TAS2R1: variants seen among roughly 807,000 people sequenced by gnomAD.
The protein encoded by TAS2R1 is taste receptor type 2 member 1.
For synonymous variants in TAS2R1, 141 were observed against 134.2 expected, an observed-to-expected ratio of 1.05 and a Z score of -0.35; for missense variants, 370 against 353.4, an observed-to-expected ratio of 1.05 and a Z score of -0.38.
At chr5:9,750,402 CA>C in the TAS2R1 span, among the ~76,000 whole-genome samples, 2 of 152,288 alleles carry the variant, frequency 1.3e-5, no homozygotes, top group African/African-American at 4.8e-5. Context: ...TTCCATTACT[CA>C]GATTTTAAAT....
At chr5:9,642,553 C>T (rs534401129) in intron 2 of TAS2R1, among the ~76,000 whole-genome samples, 42 of 152,296 alleles carry the variant, frequency 2.8e-4, no homozygotes, top group African/African-American at 9.4e-4. Context: ...TCATTTGCTT[C>T]TCTCCACTTG....
At chr5:9,693,547 A>AAAAG (rs1554054255) in intron 1 of TAS2R1, among the ~76,000 whole-genome samples, 273 of 136,328 alleles carry the variant, frequency 2.0e-3, no homozygotes, top group East Asian at 3.2e-3. Context: ...AAAAAAAAAA[A>AAAAG]AGAGAGAGAA....
the TAS2R1 span, among the ~76,000 whole-genome samples, chr5:9,789,996 G>T: frequency 6.6e-6 from 1 of 152,204 alleles, no homozygotes; most frequent in Non-Finnish European, 1.5e-5. Context: ...TAAGGCCTCT[G>T]CCCAGAAGAA....
At chr5:9,746,913 T>A in the TAS2R1 span, among the ~76,000 whole-genome samples, 10 of 152,034 alleles carry the variant, frequency 6.6e-5, no homozygotes, top group African/African-American at 2.4e-4. Context: ...TGCATATGTA[T>A]CCCAGAAGTT....
chr5:9,687,199 G>A (rs547022263), intron 1 of TAS2R1, among the ~76,000 whole-genome samples: 4 of 152,248 alleles, frequency 2.6e-5, no homozygotes, highest in Non-Finnish European at 2.9e-5. Flanking sequence ...TCGAACTCCC[G>A]ACCTCAGGTG....
At chr5:9,834,375 C>T in the TAS2R1 span, among the ~76,000 whole-genome samples, 3 of 152,132 alleles carry the variant, frequency 2.0e-5, no homozygotes, top group South Asian at 4.1e-4. Flanking sequence ...ATAAACAGTA[C>T]CTGGCACAAA....
the TAS2R1 span, among the ~76,000 whole-genome samples, chr5:9,890,817 G>A: frequency 0.012 from 1,790 of 152,204 alleles, 21 homozygotes; most frequent in Non-Finnish European, 0.019. Flanking sequence ...TTATAACCAC[G>A]TGTCAACTTT....
intron 2 of TAS2R1, among the ~76,000 whole-genome samples, chr5:9,640,149 A>G (rs575602758): frequency 6.6e-6 from 1 of 152,112 alleles, no homozygotes; most frequent in Admixed American, 6.6e-5. Flanking sequence ...TAGTATTATT[A>G]ATTGGCCTCA....
At chr5:9,708,989 C>T (rs194064) in intron 1 of TAS2R1, among the ~76,000 whole-genome samples, 5 of 151,966 alleles carry the variant, frequency 3.3e-5, no homozygotes, top group East Asian at 1.9e-4. Flanking sequence ...AAGAAACTCA[C>T]GAAGAAACCA....
At chr5:9,755,108 G>A in the TAS2R1 span, among the ~76,000 whole-genome samples, 5 of 152,130 alleles carry the variant, frequency 3.3e-5, no homozygotes, top group South Asian at 2.1e-4. Flanking sequence ...AGCCCAATTC[G>A]GTATACCCTC....
At chr5:9,878,902 G>A in the TAS2R1 span, among the ~76,000 whole-genome samples, 1 of 152,188 alleles carries the variant, frequency 6.6e-6, no homozygotes, top group African/African-American at 2.4e-5. Context: ...TTTGTATGAG[G>A]TTTGGAGTGC....
chr5:9,832,652 CCAACTATGTGGCAGCT>C, the TAS2R1 span, among the ~76,000 whole-genome samples: 80 of 152,338 alleles, frequency 5.3e-4, no homozygotes, highest in Admixed American at 2.6e-3. Context: ...GCAAAATGAG[CCAACTATGTGGCAGCT>C]CATTCCACAC....
At chr5:9,742,018 C>T in the TAS2R1 span, among the ~76,000 whole-genome samples, 2 of 152,136 alleles carry the variant, frequency 1.3e-5, no homozygotes, top group Admixed American at 6.5e-5. Flanking sequence ...GCCTCAGCCT[C>T]CCGAATATCT....
the TAS2R1 span, among the ~76,000 whole-genome samples, chr5:9,841,053 G>A: frequency 1.3e-5 from 2 of 151,704 alleles, no homozygotes; most frequent in Non-Finnish European, 2.9e-5. Context: ...TGGTCTTTCA[G>A]CACTTTAAAG....
chr5:9,870,845 T>C, the TAS2R1 span, among the ~76,000 whole-genome samples: 36 of 152,242 alleles, frequency 2.4e-4, 1 homozygote, highest in African/African-American at 7.9e-4. Context: ...GAGGGACACA[T>C]CATAGTCACT....
At chr5:9,901,995 A>G in the TAS2R1 span, among the ~76,000 whole-genome samples, 1 of 152,064 alleles carries the variant, frequency 6.6e-6, no homozygotes, top group African/African-American at 2.4e-5. Flanking sequence ...GGACTGCAAG[A>G]TGCTACTCCT....
intron 1 of TAS2R1, among the ~76,000 whole-genome samples, chr5:9,667,651 G>A (rs1013000415): frequency 6.6e-6 from 1 of 152,166 alleles, no homozygotes; most frequent in African/African-American, 2.4e-5. Context: ...CATGAAGACA[G>A]TAATCAAAGA....
rs768848509 is a variant in TAS2R1 at position 9,629,571 on chromosome 5, G to A, written c.462C>T (p.Tyr154=). The stretch of plus-strand genomic sequence containing the variant: ...TTTGGGAGAAAAATTTCCTTAGGAA[G>A]TATGGGACCATAAACCCTGCATATT... The part of the protein sequence containing the change: ...HSKYAGFMVP[Y]FLRKFFSQNA... Residue 154 remains tyrosine, a synonymous_variant, in exon 1 of 1, where the codon TAC becomes TAT. Transcript: ENST00000382492. 6.2e-7 allele frequency: 1 copy of A among 1,614,084 alleles called. No individual in the cohort carries two copies. The highest frequency in any genetic ancestry group is 1.7e-5 in the Admixed American group (1 of 60,002).
the TAS2R1 span, among the ~76,000 whole-genome samples, chr5:9,797,427 C>T: frequency 2.6e-5 from 4 of 152,264 alleles, no homozygotes; most frequent in East Asian, 1.9e-4. Flanking sequence ...TGCACATTTA[C>T]CACCTTCTCT....
Sources: allele counts gnomAD v4.1 joint callset (sites outside exome capture counted in the v4.1 genomes callset), GRCh38; gene constraint gnomAD v4.1.1; transcripts MANE v1.5; gene names NCBI Gene and HGNC (gene_info 2026-07-23, HGNC 2026-07-21).